The following CPNE8 variants were observed in gnomAD, a reference collection of about 807,000 sequenced individuals.
CPNE8 encodes the protein copine-8.
Under a neutral mutation model 81.5 loss-of-function variants are expected in CPNE8, and 45 were observed. That is an observed-to-expected ratio of 0.55 (90% CI 0.44 to 0.71). CPNE8 has a LOEUF of 0.71. Among genes scored for constraint, CPNE8 ranks in the 30% least tolerant of loss-of-function variants. CPNE8 has a pLI of 0.00. For missense variants in CPNE8, 594 were observed against 672.1 expected, an observed-to-expected ratio of 0.88 and a Z score of 1.28; for synonymous variants, 252 against 226.3, an observed-to-expected ratio of 1.11 and a Z score of -1.02.
intron 6 of CPNE8, among the ~76,000 whole-genome samples, chr12:38,823,796 G>C (rs761705331): frequency 3.9e-5 from 6 of 152,258 alleles, no homozygotes; most frequent in South Asian, 4.1e-4. Context: ...GGAAGGCTTT[G>C]CCGAATCCAT....
intron 6 of CPNE8, among the ~76,000 whole-genome samples, chr12:38,807,786 A>C (rs1014669656): frequency 1.2e-4 from 19 of 152,036 alleles, no homozygotes; most frequent in African/African-American, 4.6e-4. Context: ...TCTGCACAGC[A>C]AAAGAAACTG....
In CPNE8 at chr12:38,719,251, G is replaced by T. The variant is rs1331504403; in HGVS notation, c.914+4521C>A. Reference sequence around the variant, plus strand: ...TTGCCTGTCACCGTATAACACAAGGGTGTCATGACCAAGCTAGATCTCTTT... The same window carrying T: ...TTGCCTGTCACCGTATAACACAAGGTTGTCATGACCAAGCTAGATCTCTTT... On this transcript the variant is annotated intron_variant, in intron 13 of 19. Coordinates refer to ENST00000331366, the MANE Select transcript of CPNE8 (RefSeq NM_153634.3). 2.0e-5 allele frequency among the ~76,000 whole-genome samples: 3 copies of T among 152,072 alleles called. No individual in the cohort carries two copies. In the East Asian group the frequency reaches 5.8e-4, roughly 29 times the overall value.
intron 1 of CPNE8, among the ~76,000 whole-genome samples, chr12:38,885,250 A>C (rs892434116): frequency 6.6e-6 from 1 of 152,186 alleles, no homozygotes; most frequent in Non-Finnish European, 1.5e-5. Flanking sequence ...TAAGGCTATA[A>C]ATATACAAAG....
In CPNE8 at chr12:38,723,895, A is replaced by G; in HGVS notation, c.853-62T>C. 3.4e-6 allele frequency: 3 copies of G among 886,404 alleles called. 1 individual carries two copies. In the South Asian group the frequency reaches 4.4e-5, roughly 13 times the overall value. 54.9% of individuals were successfully genotyped at this position (886,404 alleles called of 1,614,324 possible). ...TTGTGACCCCAAATAGACCTTTCTA[A>G]TTATTAGAGAGAAAATCATATTTCT... On this transcript the variant is annotated intron_variant, in intron 12 of 19. Transcript: ENST00000331366.
chr12:38,660,371 T>A, intron 19 of CPNE8, among the ~76,000 whole-genome samples: 1 of 152,150 alleles, frequency 6.6e-6, no homozygotes, highest in Non-Finnish European at 1.5e-5. Flanking sequence ...GGGAAAGGAT[T>A]CCCTATTTAA....
chr12:38,724,221 G>A (rs892434168), intron 12 of CPNE8, among the ~76,000 whole-genome samples: 2 of 152,116 alleles, frequency 1.3e-5, no homozygotes, highest in African/African-American at 2.4e-5. Flanking sequence ...ATTCTGTAAC[G>A]AGCTCATCTA....
At chr12:38,872,721 T>C (rs1216906990) in intron 3 of CPNE8, among the ~76,000 whole-genome samples, 1 of 152,204 alleles carries the variant, frequency 6.6e-6, no homozygotes, top group Non-Finnish European at 1.5e-5. Flanking sequence ...AACTTAAATT[T>C]TGTAAGAAAT....
chr12:38,730,514 C>T (rs972064857), intron 10 of CPNE8, among the ~76,000 whole-genome samples, 156 bp from the exon 11 acceptor site: 5 of 151,650 alleles, frequency 3.3e-5, no homozygotes, highest in African/African-American at 9.7e-5. Flanking sequence ...AGGACTAATA[C>T]ATAATTACAT....
At chr12:38,818,785 C>T (rs981580652) in intron 6 of CPNE8, among the ~76,000 whole-genome samples, 2 of 152,202 alleles carry the variant, frequency 1.3e-5, no homozygotes, top group Admixed American at 1.3e-4. Flanking sequence ...CACATTCTCT[C>T]CAACATCTGT....
intron 10 of CPNE8, among the ~76,000 whole-genome samples, 167 bp from the exon 11 acceptor site, chr12:38,730,525 T>G (rs1459379585): frequency 1.3e-5 from 2 of 151,754 alleles, no homozygotes; most frequent in Non-Finnish European, 3.0e-5. Context: ...ATAATTACAT[T>G]GTTCATTAAT....
chr12:38,785,217 G>A (rs1292932001), intron 6 of CPNE8, among the ~76,000 whole-genome samples: 1 of 150,124 alleles, frequency 6.7e-6, no homozygotes, highest in Non-Finnish European at 1.5e-5. Context: ...GACCCATTAA[G>A]GAGCAATAAG....
chr12:38,823,096 C>T (rs969872861), intron 6 of CPNE8, among the ~76,000 whole-genome samples: 2 of 152,144 alleles, frequency 1.3e-5, no homozygotes, highest in Admixed American at 6.5e-5. Flanking sequence ...TCTCTAAGTG[C>T]ATTCACAGTC....
rs1444516600 is a variant in CPNE8, at chr12:38,693,855, T to C, written c.962-17A>G. On this transcript the variant is annotated splice_polypyrimidine_tract_variant and intron_variant, in intron 14 of 19. Coordinates refer to ENST00000331366, the MANE Select transcript of CPNE8 (RefSeq NM_153634.3). ...CAGGGTTGCCTGATGACAGAACACA[T>C]ATTTCAAACATAAGCAATTAGGGTA... 28 of 1,559,650 alleles carry C rather than the reference T, an allele frequency of 1.8e-5. 1 individual carries two copies. The highest frequency in any genetic ancestry group is 2.2e-5 in the Non-Finnish European group (25 of 1,154,726).
At chr12:38,715,077 T>A (rs974309205) in intron 13 of CPNE8, among the ~76,000 whole-genome samples, 1 of 150,836 alleles carries the variant, frequency 6.6e-6, no homozygotes, top group African/African-American at 2.5e-5. Flanking sequence ...GATTCCATTA[T>A]TTTTTTGTGA....
At chr12:38,823,491 A>C (rs1943139263) in intron 6 of CPNE8, among the ~76,000 whole-genome samples, 1 of 152,164 alleles carries the variant, frequency 6.6e-6, no homozygotes, top group Admixed American at 6.5e-5. Flanking sequence ...TTGCCAGCCT[A>C]CAAAAAACAT....
chr12:38,879,830 A>G (rs973688885), intron 1 of CPNE8, among the ~76,000 whole-genome samples: 42 of 152,112 alleles, frequency 2.8e-4, no homozygotes, highest in Non-Finnish European at 4.7e-4. Context: ...AGAAATTTTT[A>G]AAGTTCTAAT....
chr12:38,790,454 T>G (rs969036842), intron 6 of CPNE8, among the ~76,000 whole-genome samples: 8 of 151,608 alleles, frequency 5.3e-5, no homozygotes, highest in Non-Finnish European at 7.4e-5. Flanking sequence ...AGAAGGGTAG[T>G]AGGTGCTTGG....
intron 3 of CPNE8, among the ~76,000 whole-genome samples, chr12:38,864,528 C>T (rs1943888602): frequency 6.6e-6 from 1 of 152,010 alleles, no homozygotes; most frequent in African/African-American, 2.4e-5. Context: ...TATGGTATTA[C>T]ACAATAGAAT....
At position 38,899,382 on chromosome 12, in the gene CPNE8, G is replaced by GA. The variant is rs1469168904; in HGVS notation, c.98+6054dup. Among the ~76,000 whole-genome samples, 7 of 151,852 alleles carry GA rather than the reference G, an allele frequency of 4.6e-5. No individual in the cohort carries two copies. The South Asian group carries it at 6.2e-4, about 14-fold the overall frequency. The stretch of plus-strand genomic sequence containing the variant: ...GTGAGAAGCTGGCAGCCTGTAACCT[G>GA]AAAAAAAAGCTCACATCAGAACCTG... On this transcript the variant is annotated intron_variant, in intron 1 of 19. Coordinates refer to ENST00000331366, the MANE Select transcript of CPNE8 (RefSeq NM_153634.3).
Sources: gnomAD v4.1 joint callset for allele counts (sites outside exome capture counted in the v4.1 genomes callset) on GRCh38, gnomAD v4.1.1 for gene constraint, MANE v1.5 for transcripts, NCBI Gene and HGNC (gene_info 2026-07-23, HGNC 2026-07-21) for gene names.